The following TRAPPC9 variants were observed in gnomAD, a reference collection of about 807,000 sequenced individuals.
TRAPPC9 encodes IKK2 binding protein.
A neutral mutation model predicts 124.0 loss-of-function variants in TRAPPC9; 83 were observed. The observed-to-expected ratio is 0.67, with a 90% CI of 0.56 to 0.80. The LOEUF (loss-of-function observed/expected upper bound fraction) is 0.80. Ranked by LOEUF, TRAPPC9 falls within the 30% of genes least tolerant of loss-of-function variation. The pLI is 0.00. For synonymous variants in TRAPPC9, 638 were observed against 617.5 expected, an observed-to-expected ratio of 1.03 and a Z score of -0.49; for missense variants, 1,302 against 1,508.3, an observed-to-expected ratio of 0.86 and a Z score of 2.27.
At chr8:139,806,053 C>A (rs1186623110) in intron 21 of TRAPPC9, 2 of 152,174 alleles carry the variant, frequency 1.3e-5, no homozygotes. Flanking sequence ...AGCTCGAGAA[C>A]GGGGCGTTAA....
At chr8:140,185,327 C>G (rs962300110) in intron 17 of TRAPPC9, among the ~76,000 whole-genome samples, 73 of 152,206 alleles carry the variant, frequency 4.8e-4, no homozygotes, top group African/African-American at 1.7e-3. Context: ...TGGACAGGCC[C>G]ACTTGCACAG....
At chr8:140,341,028 A>C (rs1162483775) in intron 9 of TRAPPC9, among the ~76,000 whole-genome samples, 1 of 152,182 alleles carries the variant, frequency 6.6e-6, no homozygotes, top group African/African-American at 2.4e-5. Flanking sequence ...ATAGGTATTC[A>C]TCCTCATGTT....
chr8:140,349,903 C>T (rs1272207125), intron 9 of TRAPPC9, among the ~76,000 whole-genome samples: 3 of 152,198 alleles, frequency 2.0e-5, no homozygotes, highest in Admixed American at 6.5e-5. Context: ...CACCTCTGCC[C>T]AGCAATGCCT....
intron 19 of TRAPPC9, among the ~76,000 whole-genome samples, chr8:139,940,444 G>A (rs1168102618): frequency 5.9e-5 from 9 of 152,212 alleles, no homozygotes; most frequent in Non-Finnish European, 1.3e-4. Flanking sequence ...CAGAAGGAAT[G>A]AAATGAAACA....
Position 140,451,033 on chromosome 8 carries a change from C to T in TRAPPC9, c.341G>A (p.Arg114Gln), listed in dbSNP as rs760961676. The change falls in exon 2 of 23, where the codon CGG becomes CAG. Residue 114 changes from arginine to glutamine, a missense_variant. Physicochemically the swap from Arg to Gln is conservative, Grantham distance 43. Around this residue, in one of 3 missense-constraint regions of TRAPPC9, gnomAD observed 657 missense variants for 811.2 expected, o/e 0.81. Coordinates refer to ENST00000438773, the MANE Select transcript of TRAPPC9 (RefSeq NM_001160372.4). Reference protein sequence around the residue: ...EIYGSTLYDSRLFVFGLQGEI... With the variant: ...EIYGSTLYDSQLFVFGLQGEI... ...CCCCTGCAGCCCGAAGACAAAGAGC[C>T]GGGAGTCATACAGTGTGGAGCCGTA... 11 of 1,613,932 alleles carry T rather than the reference C, an allele frequency of 6.8e-6. No homozygotes were observed. Among genetic ancestry groups the T allele is most frequent in the African/African-American group, 2.7e-5 (2 of 74,920 alleles).
At chr8:140,458,344 G>T (rs139214686), upstream of TRAPPC9, 102 of 1,586,612 alleles carry the variant, frequency 6.4e-5, 1 homozygote, top group Middle Eastern at 2.0e-3. Flanking sequence ...TGGAGGCCCC[G>T]CGGAAGCCCA....
intron 17 of TRAPPC9, among the ~76,000 whole-genome samples, chr8:140,061,137 C>A (rs1035286164): frequency 2.6e-5 from 4 of 152,186 alleles, no homozygotes; most frequent in African/African-American, 9.7e-5. Context: ...AGAAACAGAT[C>A]TGTAGGCACT....
intron 15 of TRAPPC9, chr8:140,262,528 G>GC (rs938523013): frequency 3.3e-5 from 5 of 151,626 alleles, no homozygotes; most frequent in African/African-American, 1.2e-4. Context: ...ACGGTGGGGG[G>GC]GGGCAGCAAG....
At chr8:140,012,786 G>A (rs1056167368) in intron 18 of TRAPPC9, among the ~76,000 whole-genome samples, 2 of 152,208 alleles carry the variant, frequency 1.3e-5, no homozygotes, top group East Asian at 3.9e-4. Context: ...TCCCTAGCAT[G>A]TCAAATGTAC....
chr8:140,043,571 T>C (rs7840467), intron 17 of TRAPPC9, among the ~76,000 whole-genome samples: 116,793 of 152,112 alleles, frequency 0.77, 45,680 homozygotes, highest in African/African-American at 0.92. Context: ...GTGTCATAAC[T>C]CTTGAGATCC....
intron 21 of TRAPPC9, among the ~76,000 whole-genome samples, chr8:139,791,730 A>G (rs895678951): frequency 2.6e-5 from 4 of 152,250 alleles, no homozygotes; most frequent in African/African-American, 9.6e-5. Context: ...TCACAAGCCC[A>G]GCTCAGGGGC....
chr8:140,380,802 C>T (rs919083763), intron 7 of TRAPPC9, among the ~76,000 whole-genome samples: 4 of 152,030 alleles, frequency 2.6e-5, no homozygotes, highest in South Asian at 2.1e-4. Context: ...TTAATGACCT[C>T]GGGTTAGCAA....
At chr8:139,944,760 C>T (rs966333528) in intron 19 of TRAPPC9, among the ~76,000 whole-genome samples, 4 of 152,008 alleles carry the variant, frequency 2.6e-5, no homozygotes, top group African/African-American at 9.7e-5. Flanking sequence ...AGACTTAAAC[C>T]AAATACCAAT....
chr8:140,413,200 C>T (rs906922143), intron 5 of TRAPPC9, among the ~76,000 whole-genome samples: 101 of 152,170 alleles, frequency 6.6e-4, no homozygotes, highest in African/African-American at 2.4e-3. Context: ...ACCAGCCTGG[C>T]CAACACGGTG....
intron 21 of TRAPPC9, among the ~76,000 whole-genome samples, chr8:139,865,901 TCGGG>T (rs1333733368): frequency 6.6e-6 from 1 of 152,114 alleles, no homozygotes; most frequent in Non-Finnish European, 1.5e-5. Flanking sequence ...CCCGAGGTGG[TCGGG>T]GTGCAGCTTG....
At chr8:139,844,528 C>T (rs1586970518) in intron 21 of TRAPPC9, among the ~76,000 whole-genome samples, 1 of 152,234 alleles carries the variant, frequency 6.6e-6, no homozygotes, top group African/African-American at 2.4e-5. Flanking sequence ...CTGTGCAGGG[C>T]GGGCAGTGGG....
chr8:139,854,816 G>T (rs1335350356), intron 21 of TRAPPC9, among the ~76,000 whole-genome samples: 6 of 152,196 alleles, frequency 3.9e-5, no homozygotes, highest in Admixed American at 2.0e-4. Context: ...GCTCAGGAAA[G>T]AGGGTGCCAA....
At chr8:139,841,117 C>T (rs544949683) in intron 21 of TRAPPC9, among the ~76,000 whole-genome samples, 2 of 152,306 alleles carry the variant, frequency 1.3e-5, no homozygotes, top group South Asian at 2.1e-4. Flanking sequence ...ATCTACCCCT[C>T]GCTTGCCTTT....
intron 18 of TRAPPC9, among the ~76,000 whole-genome samples, chr8:140,012,087 G>A (rs1839175207): frequency 6.6e-6 from 1 of 152,334 alleles, no homozygotes; most frequent in African/African-American, 2.4e-5. Context: ...TGGGACTGCA[G>A]GCGTGAGCCA....
Sources: gnomAD v4.1 joint callset for allele counts (sites outside exome capture counted in the v4.1 genomes callset) on GRCh38, gnomAD v4.1.1 for gene constraint, gnomAD v4.1.1 regional missense constraint, MANE v1.5 for transcripts, NCBI Gene and HGNC (gene_info 2026-07-23, HGNC 2026-07-21) for gene names.